EIF3H: variants seen among roughly 807,000 people sequenced by gnomAD.
EIF3H encodes the protein eIF-3-gamma.
A neutral mutation model predicts 44.2 loss-of-function variants in EIF3H; 26 were observed. The ratio of observed to expected loss-of-function variants is 0.59; its 90% CI spans 0.43 to 0.82. The LOEUF (loss-of-function observed/expected upper bound fraction) is 0.82. EIF3H is among the 40% of genes least tolerant of loss of function. The probability of loss-of-function intolerance (pLI) is 0.00; values close to 1 mark genes in which losing one functional copy is unlikely to be tolerated. For missense variants in EIF3H, 359 were observed against 432.8 expected (o/e 0.83, Z 1.51); for synonymous variants, 166 against 151.9 (o/e 1.09, Z -0.68).
At chr8:116,739,426 A>G (rs1193895738) in intron 1 of EIF3H, among the ~76,000 whole-genome samples, 1 of 152,204 alleles carries the variant, frequency 6.6e-6, no homozygotes, top group Non-Finnish European at 1.5e-5. Context: ...CGCGGCGGGC[A>G]GATCACGAGG....
chr8:116,726,095 C>A lies in EIF3H; in HGVS notation c.210G>T (p.Leu70=). The A allele has an allele frequency of 6.2e-7, 1 of 1,614,104 alleles. No homozygotes were observed. The highest frequency in any genetic ancestry group is 8.5e-7 in the Non-Finnish European group (1 of 1,179,984). ...TAATTTCAAGCCGATCTTCTACAACCAGACCCAAAAGCACTCCTTGAACAA... is the reference window on the plus strand; with the variant it reads ...TAATTTCAAGCCGATCTTCTACAACAAGACCCAAAAGCACTCCTTGAACAA... The part of the protein sequence containing the change: ...TEVVQGVLLG[L]VVEDRLEITN... The change falls in exon 2 of 8, where the codon CTG becomes CTT. Residue 70 remains leucine, a synonymous_variant. Transcript: ENST00000521861.
chr8:116,687,106 T>G (rs1182715624), intron 2 of EIF3H, among the ~76,000 whole-genome samples: 1 of 152,100 alleles, frequency 6.6e-6, no homozygotes, highest in African/African-American at 2.4e-5. Context: ...AAGACTTGGA[T>G]GAGGAAACCC....
At chr8:116,671,590 G>A (rs980213069) in intron 2 of EIF3H, among the ~76,000 whole-genome samples, 2 of 152,138 alleles carry the variant, frequency 1.3e-5, no homozygotes, top group African/African-American at 4.8e-5. Context: ...TGTTCTAACT[G>A]TGCCAGACCT....
intron 5 of EIF3H, among the ~76,000 whole-genome samples, chr8:116,653,535 T>C (rs1261044357): frequency 2.0e-5 from 3 of 152,208 alleles, no homozygotes; most frequent in Non-Finnish European, 2.9e-5. Flanking sequence ...CCTTTTCTTT[T>C]ATTGCCAAGC....
intron 1 of EIF3H, among the ~76,000 whole-genome samples, chr8:116,762,332 A>G (rs1815525821): frequency 6.6e-6 from 1 of 152,236 alleles, no homozygotes; most frequent in Non-Finnish European, 1.5e-5. Context: ...CAGAAGTAGA[A>G]AGTCTATGTT....
intron 4 of EIF3H, 133 bp from the exon 5 acceptor site, chr8:116,656,138 AGTAG>A: frequency 1.6e-5 from 11 of 697,686 alleles, no homozygotes; most frequent in African/African-American, 3.8e-5. Context: ...AAAAAAAAAA[AGTAG>A]AGAAACTGGA....
intron 2 of EIF3H, among the ~76,000 whole-genome samples, chr8:116,706,093 CAAATG>C (rs1324878840): frequency 6.6e-6 from 1 of 151,774 alleles, no homozygotes; most frequent in Non-Finnish European, 1.5e-5. Context: ...TTTCAAATGT[CAAATG>C]AAAAGTCCTA....
intron 2 of EIF3H, among the ~76,000 whole-genome samples, chr8:116,711,965 T>G (rs904568245): frequency 2.0e-5 from 3 of 151,660 alleles, no homozygotes; most frequent in African/African-American, 7.3e-5. Context: ...GCACACAGTT[T>G]CCACTCAAAT....
At chr8:116,719,019 A>G (rs1463689343) in intron 2 of EIF3H, among the ~76,000 whole-genome samples, 1 of 152,192 alleles carries the variant, frequency 6.6e-6, no homozygotes, top group Non-Finnish European at 1.5e-5. Flanking sequence ...GGGAAAGAAA[A>G]TGAAGACAGA....
chr8:116,665,882 A>G (rs547480049), intron 2 of EIF3H, among the ~76,000 whole-genome samples: 47 of 152,242 alleles, frequency 3.1e-4, no homozygotes, highest in Non-Finnish European at 4.4e-4. Context: ...CAGAATGTGC[A>G]TTTGAAAAAA....
chr8:116,703,096 A>G (rs1814406408), intron 2 of EIF3H, among the ~76,000 whole-genome samples: 1 of 152,248 alleles, frequency 6.6e-6, no homozygotes, highest in African/African-American at 2.4e-5. Context: ...AAATAAGAAT[A>G]GTTGTATTAG....
chr8:116,747,740 A>G (rs929857097), intron 1 of EIF3H, among the ~76,000 whole-genome samples: 17 of 152,350 alleles, frequency 1.1e-4, no homozygotes, highest in African/African-American at 3.8e-4. Context: ...AATTCATAAG[A>G]GTATCACAAA....
At chr8:116,750,232 C>T (rs1365841301) in intron 1 of EIF3H, among the ~76,000 whole-genome samples, 1 of 152,254 alleles carries the variant, frequency 6.6e-6, no homozygotes, top group African/African-American at 2.4e-5. Context: ...TCAAGTTAAA[C>T]TATATGGAGA....
rs1814779298 is a variant in EIF3H, at chr8:116,723,086, A to T, written c.289+2930T>A. On this transcript the variant is annotated intron_variant, in intron 2 of 7. Transcript: ENST00000521861. ...ATGAATATTATTTCTTCATATTCTA[A>T]ACCAAGAATATGATTTAAAAAATTA... is the stretch of plus-strand genomic sequence containing the variant. Among the ~76,000 whole-genome samples the T allele has an allele frequency of 2.0e-5, 3 of 152,290 alleles. No homozygotes were observed. The South Asian group carries it at 6.2e-4, about 32-fold the overall frequency.
rs542449295 is a variant in EIF3H, at chr8:116,643,977, T to C, written c.*1029A>G. The C allele has an allele frequency of 1.3e-5, 2 of 152,370 alleles. No homozygotes were observed. Among genetic ancestry groups the C allele is most frequent in the African/African-American group, 4.8e-5 (2 of 41,588 alleles). 9.4% of individuals were successfully genotyped at this position (152,370 alleles called of 1,614,324 possible). A position where few individuals can be genotyped will look rare whatever the true frequency, so the allele number is the denominator to read the frequency against. ...CATTCTCCTAATTCCTAATTCCTCATTCACAACACTTGCTGTTAGCAGAAT... is the reference window on the plus strand; with the variant it reads ...CATTCTCCTAATTCCTAATTCCTCACTCACAACACTTGCTGTTAGCAGAAT... On this transcript the variant is annotated 3_prime_UTR_variant, in exon 8 of 8. Coordinates refer to ENST00000521861, the MANE Select transcript of EIF3H (RefSeq NM_003756.3).
At chr8:116,720,886 T>C (rs1424391570) in intron 2 of EIF3H, among the ~76,000 whole-genome samples, 1 of 152,088 alleles carries the variant, frequency 6.6e-6, no homozygotes, top group African/African-American at 2.4e-5. Context: ...AAGAGGTGAC[T>C]TGGGTGCTGT....
At chr8:116,731,997 A>G (rs2130938126) in intron 1 of EIF3H, among the ~76,000 whole-genome samples, 1 of 152,282 alleles carries the variant, frequency 6.6e-6, no homozygotes, top group East Asian at 1.9e-4. Context: ...TTGTCTCTCA[A>G]ACTGTTTCCC....
intron 1 of EIF3H, among the ~76,000 whole-genome samples, chr8:116,739,178 G>A (rs747446689): frequency 6.6e-6 from 1 of 152,216 alleles, no homozygotes; most frequent in Admixed American, 6.5e-5. Flanking sequence ...TGAGCGATCC[G>A]TGCCTTAAGG....
intron 1 of EIF3H, among the ~76,000 whole-genome samples, chr8:116,729,109 T>C (rs928713416): frequency 4.6e-5 from 7 of 152,228 alleles, no homozygotes; most frequent in African/African-American, 1.7e-4. Context: ...CTAGGTTACC[T>C]AGATTCCTTT....
Sources: allele counts gnomAD v4.1 joint callset (sites outside exome capture counted in the v4.1 genomes callset), GRCh38; gene constraint gnomAD v4.1.1; transcripts MANE v1.5; gene names NCBI Gene and HGNC (gene_info 2026-07-23, HGNC 2026-07-21).